ZNF407: variants seen among roughly 807,000 people sequenced by gnomAD.
ZNF407 encodes the protein zinc finger protein 407.
Under a neutral mutation model 131.2 loss-of-function variants are expected in ZNF407, and 17 were observed. The ratio of observed to expected loss-of-function variants is 0.13; its 90% CI spans 0.09 to 0.19. The LOEUF is 0.19. Ranked by LOEUF, ZNF407 falls within the 10% of genes least tolerant of loss-of-function variation. ZNF407 has a pLI of 1.00. For missense variants in ZNF407, 2,681 were observed against 2,830.6 expected (o/e 0.95, Z 1.20); for synonymous variants, 1,156 against 1,062.0 (o/e 1.09, Z -1.72).
At chr18:74,951,754 G>T (rs1049971327) in intron 8 of ZNF407, among the ~76,000 whole-genome samples, 1 of 151,708 alleles carries the variant, frequency 6.6e-6, no homozygotes, top group Non-Finnish European at 1.5e-5. Flanking sequence ...TTTTTTATGG[G>T]TATTAATTTT....
chr18:74,711,559 T>C (rs137855253), intron 3 of ZNF407, among the ~76,000 whole-genome samples: 189 of 152,340 alleles, frequency 1.2e-3, no homozygotes, highest in African/African-American at 4.4e-3. Context: ...GCAGTCTTAC[T>C]GACACCTTGA....
chr18:74,702,408 GATAA>G (rs1242261422), intron 3 of ZNF407, among the ~76,000 whole-genome samples: 1 of 151,892 alleles, frequency 6.6e-6, no homozygotes, highest in African/African-American at 2.4e-5. Context: ...TATAAAGTGA[GATAA>G]ATATATATGA....
chr18:74,836,622 A>G (rs899185715), intron 4 of ZNF407, among the ~76,000 whole-genome samples: 1 of 152,008 alleles, frequency 6.6e-6, no homozygotes, highest in African/African-American at 2.4e-5. Flanking sequence ...AACCTTCCTC[A>G]TTTTTTACAG....
At chr18:74,854,069 G>A (rs1425859123) in intron 4 of ZNF407, among the ~76,000 whole-genome samples, 1 of 152,118 alleles carries the variant, frequency 6.6e-6, no homozygotes, top group African/African-American at 2.4e-5. Context: ...ATGAGTGAGG[G>A]GGCCCAGCCT....
At chr18:74,702,774 C>T (rs1365671270) in intron 3 of ZNF407, among the ~76,000 whole-genome samples, 1 of 152,076 alleles carries the variant, frequency 6.6e-6, no homozygotes, top group Non-Finnish European at 1.5e-5. Flanking sequence ...GATACATGTA[C>T]ATATACACTG....
At chr18:74,901,307 G>A (rs928905948) in intron 7 of ZNF407, among the ~76,000 whole-genome samples, 18 of 152,118 alleles carry the variant, frequency 1.2e-4, no homozygotes, top group African/African-American at 4.1e-4. Flanking sequence ...CTCCATTTTA[G>A]GTTTTAGCTT....
At chr18:74,863,773 C>T (rs758499982) in intron 4 of ZNF407, among the ~76,000 whole-genome samples, 2 of 152,142 alleles carry the variant, frequency 1.3e-5, no homozygotes, top group Non-Finnish European at 2.9e-5. Context: ...TGAGCACCTA[C>T]TGTATGTAAG....
At chr18:74,897,350 G>C (rs1057501739) in intron 7 of ZNF407, among the ~76,000 whole-genome samples, 1 of 152,170 alleles carries the variant, frequency 6.6e-6, no homozygotes, top group Non-Finnish European at 1.5e-5. Flanking sequence ...TGTTGATGTA[G>C]CTTAAATAGG....
chr18:74,828,065 G>A (rs535907894), intron 4 of ZNF407, among the ~76,000 whole-genome samples: 1 of 152,106 alleles, frequency 6.6e-6, no homozygotes. Context: ...CGCTGCTTCC[G>A]CACTGCCTTT....
chr18:74,958,684 C>A (rs1599263967), intron 8 of ZNF407, among the ~76,000 whole-genome samples: 1 of 152,282 alleles, frequency 6.6e-6, no homozygotes, highest in East Asian at 1.9e-4. Flanking sequence ...CTGTCTAAGC[C>A]CTCACTGATG....
intron 3 of ZNF407, among the ~76,000 whole-genome samples, chr18:74,708,640 C>A (rs1349543259): frequency 6.6e-6 from 1 of 152,196 alleles, no homozygotes; most frequent in Non-Finnish European, 1.5e-5. Context: ...CTGGCTCCAG[C>A]CCTTTCTGGG....
At chr18:74,622,362 A>G (rs770718962) in intron 1 of ZNF407, among the ~76,000 whole-genome samples, 47 of 152,148 alleles carry the variant, frequency 3.1e-4, no homozygotes, top group Non-Finnish European at 5.6e-4. Flanking sequence ...CCTAGTTTCT[A>G]TTGCCTCTTA....
chr18:75,013,384 C>A (rs1178745778), intron 8 of ZNF407, among the ~76,000 whole-genome samples: 1 of 152,090 alleles, frequency 6.6e-6, no homozygotes, highest in East Asian at 1.9e-4. Flanking sequence ...ATGACAAAAT[C>A]AAATGGCAGC....
chr18:74,815,620 G>A (rs536439548), intron 4 of ZNF407, among the ~76,000 whole-genome samples: 1 of 152,212 alleles, frequency 6.6e-6, no homozygotes, highest in South Asian at 2.1e-4. Context: ...TCAAAAAATT[G>A]TTGAATACCA....
intron 3 of ZNF407, among the ~76,000 whole-genome samples, chr18:74,724,494 T>C (rs1039340321): frequency 2.6e-5 from 4 of 152,206 alleles, no homozygotes; most frequent in Non-Finnish European, 4.4e-5. Context: ...CCCCAGCTGC[T>C]GGTTACCACT....
At chr18:74,743,579 T>G (rs1968599614) in intron 3 of ZNF407, among the ~76,000 whole-genome samples, 2 of 152,200 alleles carry the variant, frequency 1.3e-5, no homozygotes, top group East Asian at 3.8e-4. Context: ...CAGGTAGTGA[T>G]AAAATCCTAA....
intron 3 of ZNF407, 100 bp downstream of exon 3, chr18:74,641,222 A>G (rs1984700746): frequency 2.4e-6 from 2 of 825,140 alleles, no homozygotes; most frequent in East Asian, 4.9e-5. Context: ...GAGTGGCTAA[A>G]ATTATGCATG....
At chr18:74,672,527 G>A (rs912396139) in intron 3 of ZNF407, among the ~76,000 whole-genome samples, 8 of 150,070 alleles carry the variant, frequency 5.3e-5, no homozygotes, top group African/African-American at 7.4e-5. Context: ...TTGGAGCACC[G>A]TTTGTTCATT....
At chr18:74,665,720 G>T (rs942288200) in intron 3 of ZNF407, among the ~76,000 whole-genome samples, 13 of 152,118 alleles carry the variant, frequency 8.5e-5, no homozygotes, top group Non-Finnish European at 1.8e-4. Context: ...TGACACCTGT[G>T]TACCCACAGT....
Sources: allele counts gnomAD v4.1 joint callset (sites outside exome capture counted in the v4.1 genomes callset), GRCh38; gene constraint gnomAD v4.1.1; transcripts MANE v1.5; gene names NCBI Gene and HGNC (gene_info 2026-07-23, HGNC 2026-07-21).